TSHZ2: variants seen among roughly 807,000 people sequenced by gnomAD.
TSHZ2 encodes the protein teashirt zinc finger homeobox 2.
A neutral mutation model predicts 74.4 loss-of-function variants in TSHZ2; 21 were observed. The observed-to-expected ratio is 0.28, with a 90% CI of 0.20 to 0.41. The LOEUF is 0.41. TSHZ2 is among the 10% of genes least tolerant of loss of function. The pLI, the probability that TSHZ2 is intolerant of heterozygous loss-of-function variation, is 1.00. For synonymous variants in TSHZ2, 540 were observed against 515.3 expected, an observed-to-expected ratio of 1.05 and a Z score of -0.65; for missense variants, 1,244 against 1,293.5, an observed-to-expected ratio of 0.96 and a Z score of 0.59.
rs6013618 is a variant in TSHZ2, at chr20:53,046,644, A to G, written c.40+73311A>G. Among the ~76,000 whole-genome samples the G allele has an allele frequency of 4.8e-3, 724 of 151,346 alleles. 9 individuals carry two copies. The highest frequency in any genetic ancestry group is 0.016 in the African/African-American group (672 of 41,464). On this transcript the variant is annotated intron_variant, in intron 1 of 2. Transcript: ENST00000371497. ...ATGAGTTAGTATTTGATTAAAAAAA[A>G]CAAAACAAAACAAAACCCTGGGAAC... is the stretch of plus-strand genomic sequence containing the variant.
chr20:53,242,535 G>A (rs1990095373), intron 1 of TSHZ2, among the ~76,000 whole-genome samples: 1 of 152,108 alleles, frequency 6.6e-6, no homozygotes, highest in African/African-American at 2.4e-5. Flanking sequence ...AGGGTTTAAG[G>A]CAAGAAGAAG....
chr20:53,425,526 G>A (rs992718892), intron 2 of TSHZ2, among the ~76,000 whole-genome samples: 1 of 152,178 alleles, frequency 6.6e-6, no homozygotes, highest in Non-Finnish European at 1.5e-5. Flanking sequence ...GAATTTCCAT[G>A]TCTGGGAAAA....
At chr20:53,400,128 T>C (rs1323290362) in intron 2 of TSHZ2, 1 of 152,308 alleles carries the variant, frequency 6.6e-6, no homozygotes, top group African/African-American at 2.4e-5. Context: ...CACTGTAGAG[T>C]ACTGAGCACA....
At chr20:53,409,135 C>G (rs1982952406) in intron 2 of TSHZ2, among the ~76,000 whole-genome samples, 1 of 151,988 alleles carries the variant, frequency 6.6e-6, no homozygotes, top group African/African-American at 2.4e-5. Context: ...ATGCCAAACG[C>G]TATAACAGAA....
At chr20:53,095,780 C>T (rs1986021609) in intron 1 of TSHZ2, among the ~76,000 whole-genome samples, 1 of 152,140 alleles carries the variant, frequency 6.6e-6, no homozygotes, top group African/African-American at 2.4e-5. Context: ...CACCCCAGTT[C>T]TGACTACCAA....
chr20:53,050,103 G>GTATATATATATCTATATATA (rs1984376666), intron 1 of TSHZ2, among the ~76,000 whole-genome samples: 1 of 116,068 alleles, frequency 8.6e-6, no homozygotes, highest in African/African-American at 3.9e-5. Context: ...GTATATGTGT[G>GTATATATATATCTATATATA]TATATATATA....
In TSHZ2 at chr20:53,495,104, T is replaced by A. The variant is rs1313956073; in HGVS notation, c.*7969T>A. On this transcript the variant is annotated 3_prime_UTR_variant, in exon 3 of 3. Transcript: ENST00000371497. ...GCAAATGGCTTCATTTCAGTCAACG[T>A]CGACTTCTGCTTTGGCCAATTGAAA... 1 of 152,092 alleles carries A rather than the reference T, an allele frequency of 6.6e-6. No individual in the cohort carries two copies. Among genetic ancestry groups the A allele is most frequent in the African/African-American group, 2.4e-5 (1 of 41,394 alleles). The allele number at this position is 152,092 out of a possible 1,614,324, so 9.4% of individuals were successfully genotyped here.
At chr20:53,091,777 C>G (rs1355904106) in intron 1 of TSHZ2, among the ~76,000 whole-genome samples, 1 of 152,158 alleles carries the variant, frequency 6.6e-6, no homozygotes, top group Non-Finnish European at 1.5e-5. Flanking sequence ...CTCAGTGGCT[C>G]ACGCCTGTAA....
chr20:53,267,307 G>C (rs182923528), intron 2 of TSHZ2, among the ~76,000 whole-genome samples: 51 of 152,308 alleles, frequency 3.3e-4, no homozygotes, highest in African/African-American at 1.2e-3. Context: ...CCAGTAAGAA[G>C]AGGGACAAGT....
chr20:53,147,255 G>A (rs779322405), intron 1 of TSHZ2, among the ~76,000 whole-genome samples: 3 of 152,162 alleles, frequency 2.0e-5, no homozygotes, highest in Non-Finnish European at 4.4e-5. Context: ...ATTGATGGGT[G>A]ACAACCTTAG....
chr20:53,082,111 A>T (rs1985555603), intron 1 of TSHZ2, among the ~76,000 whole-genome samples: 1 of 152,174 alleles, frequency 6.6e-6, no homozygotes, highest in African/African-American at 2.4e-5. Context: ...AAGCACATTG[A>T]ACTGGACAGT....
intron 1 of TSHZ2, among the ~76,000 whole-genome samples, chr20:53,211,509 TAA>T (rs5841934): frequency 0.06 from 8,437 of 141,068 alleles, 497 homozygotes; most frequent in East Asian, 0.32. Flanking sequence ...TTGCCTGAAA[TAA>T]AAAAAAAAAA....
At chr20:53,119,648 T>A (rs1351786631) in intron 1 of TSHZ2, among the ~76,000 whole-genome samples, 1 of 152,256 alleles carries the variant, frequency 6.6e-6, no homozygotes, top group African/African-American at 2.4e-5. Context: ...CCACTGACAA[T>A]GTTTATATCA....
At chr20:53,113,461 T>C (rs1217096063) in intron 1 of TSHZ2, among the ~76,000 whole-genome samples, 2 of 152,242 alleles carry the variant, frequency 1.3e-5, no homozygotes, top group African/African-American at 4.8e-5. Context: ...AAAATGTTTA[T>C]TTATCAACCA....
In TSHZ2 at chr20:53,266,989, GCTGATCTCAAACTC is replaced by G. The variant is rs374681727; in HGVS notation, c.*8+10423_*8+10436del. Among the ~76,000 whole-genome samples, 17 of 152,268 alleles carry G rather than the reference GCTGATCTCAAACTC, an allele frequency of 1.1e-4. No homozygotes were observed. In the South Asian group the frequency reaches 1.5e-3, roughly 13 times the overall value. ...GAAGGTGTTTCACCATGTTGGCCAG[GCTGATCTCAAACTC>G]CTGACCTCAGGTGATTTGCCTGCCT... On this transcript the variant is annotated intron_variant, in intron 2 of 2. Coordinates refer to ENST00000371497, the MANE Select transcript of TSHZ2 (RefSeq NM_173485.6).
rs887633849 is a variant in TSHZ2 at position 53,025,340 on chromosome 20, T to A, written c.40+52007T>A. On this transcript the variant is annotated intron_variant, in intron 1 of 2. Transcript: ENST00000371497. ...ACTTCATCATATATTGATTCAAAGA[T>A]CTGGTTGTCAATTATTATTATTATG... 2.6e-5 allele frequency among the ~76,000 whole-genome samples: 4 copies of A among 152,278 alleles called. No homozygotes were observed. In the South Asian group the frequency reaches 6.2e-4, roughly 24 times the overall value.
intron 2 of TSHZ2, among the ~76,000 whole-genome samples, chr20:53,429,401 G>T (rs1280444289): frequency 6.6e-6 from 1 of 152,236 alleles, no homozygotes; most frequent in Non-Finnish European, 1.5e-5. Context: ...GGGGAACCCA[G>T]TGGGAGGTAA....
At chr20:53,362,113 C>T (rs545416746) in intron 2 of TSHZ2, among the ~76,000 whole-genome samples, 1 of 152,202 alleles carries the variant, frequency 6.6e-6, no homozygotes, top group Non-Finnish European at 1.5e-5. Context: ...ATCCACCACC[C>T]GCCTGGGCCT....
At chr20:53,404,214 AT>A (rs766614728) in intron 2 of TSHZ2, among the ~76,000 whole-genome samples, 2 of 152,206 alleles carry the variant, frequency 1.3e-5, no homozygotes, top group South Asian at 4.1e-4. Flanking sequence ...AAAATTTAAA[AT>A]GCTTTTATGG....
Sources: gnomAD v4.1 joint callset for allele counts (sites outside exome capture counted in the v4.1 genomes callset) on GRCh38, gnomAD v4.1.1 for gene constraint, MANE v1.5 for transcripts, NCBI Gene and HGNC (gene_info 2026-07-23, HGNC 2026-07-21) for gene names.